LIN28A: variants seen among roughly 807,000 people sequenced by gnomAD.
The protein encoded by LIN28A is lin-28 RNA binding posttranscriptional regulator A, also known as protein lin-28 homolog A.
LIN28A carries 11 observed loss-of-function variants against 21.1 expected under a neutral mutation model. The observed-to-expected ratio is 0.52, with a 90% confidence interval of 0.33 to 0.86. The LOEUF is 0.86. Among genes scored for constraint, LIN28A ranks in the 40% least tolerant of loss-of-function variants. The probability of loss-of-function intolerance (pLI) is 0.03; values close to 1 mark genes in which losing one functional copy is unlikely to be tolerated. For synonymous variants in LIN28A, 111 were observed against 108.7 expected (o/e 1.02, Z -0.13); for missense variants, 219 against 279.8 (o/e 0.78, Z 1.55).
intron 2 of LIN28A, among the ~76,000 whole-genome samples, chr1:26,419,424 C>G (rs2075016068): frequency 6.6e-6 from 1 of 152,058 alleles, no homozygotes; most frequent in African/African-American, 2.4e-5. Context: ...TTGCATGTCC[C>G]CATTTATATG....
chr1:26,418,153 G>A (rs1343895216), intron 2 of LIN28A, among the ~76,000 whole-genome samples: 1 of 152,082 alleles, frequency 6.6e-6, no homozygotes, highest in South Asian at 2.1e-4. Flanking sequence ...GGTGTGGGTT[G>A]GATAGGGTAA....
At chr1:26,413,797 T>G (rs553211321) in intron 2 of LIN28A, among the ~76,000 whole-genome samples, 3 of 143,398 alleles carry the variant, frequency 2.1e-5, no homozygotes, top group African/African-American at 7.9e-5. Context: ...GCACTTGTTT[T>G]TTTGTTTGTT....
chr1:26,424,052 C>T (rs1414343460), intron 2 of LIN28A, among the ~76,000 whole-genome samples: 1 of 151,678 alleles, frequency 6.6e-6, no homozygotes, highest in African/African-American at 2.4e-5. Flanking sequence ...TGAGGCAGCG[C>T]ACCCGGCCTT....
At chr1:26,420,156 C>T (rs1027230500) in intron 2 of LIN28A, among the ~76,000 whole-genome samples, 11 of 151,984 alleles carry the variant, frequency 7.2e-5, no homozygotes, top group African/African-American at 2.2e-4. Flanking sequence ...AACAGGGTTT[C>T]GCCCTGTTGC....
chr1:26,425,238 G>A, intron 2 of LIN28A, 65 bp from the exon 3 acceptor site: 2 of 1,509,190 alleles, frequency 1.3e-6, no homozygotes, highest in Non-Finnish European at 1.8e-6. Context: ...AGGAATAAGA[G>A]TTCCTTGTCT....
chr1:26,421,279 T>C (rs896540934), intron 2 of LIN28A, among the ~76,000 whole-genome samples: 5 of 152,226 alleles, frequency 3.3e-5, no homozygotes, highest in Non-Finnish European at 5.9e-5. Flanking sequence ...AAAATGTGGC[T>C]GTGAACAAAC....
At chr1:26,415,907 AG>A (rs1478661874) in intron 2 of LIN28A, among the ~76,000 whole-genome samples, 6 of 152,176 alleles carry the variant, frequency 3.9e-5, no homozygotes, top group Admixed American at 3.9e-4. Flanking sequence ...GTTGGTAGAG[AG>A]GTAGGAAGGT....
rs958622952 is a variant in LIN28A at position 26,411,416 on chromosome 1, C to A, written c.62C>A (p.Pro21His). ...GGCAKAAEEA[P>H]EEAPEDAARA... Reference sequence around the variant, plus strand: ...TGCGCCAAGGCGGCAGAAGAGGCGCCCGAGGAGGCGCCGGAGGACGCGGCC... The same window carrying A: ...TGCGCCAAGGCGGCAGAAGAGGCGCACGAGGAGGCGCCGGAGGACGCGGCC... Residue 21 changes from proline (P) to histidine (H), a missense_variant, in exon 2 of 4, where the codon CCC becomes CAC. This residue lies in a region of LIN28A where 50 missense variants were observed against 49.0 expected (regional missense o/e 1.02). Coordinates refer to ENST00000326279, the MANE Select transcript of LIN28A (RefSeq NM_024674.6). This position sits in a 1 kb window ranked among gnomAD's most constrained non-coding sequence, Gnocchi z 5.4. 2.5e-6 allele frequency: 4 copies of A among 1,603,142 alleles called. No homozygotes were observed. The African/African-American group carries it at 4.0e-5, about 16-fold the overall frequency.
At chr1:26,419,785 G>A (rs1291403342) in intron 2 of LIN28A, among the ~76,000 whole-genome samples, 1 of 152,100 alleles carries the variant, frequency 6.6e-6, no homozygotes, top group Non-Finnish European at 1.5e-5. Context: ...TTTACCTGCT[G>A]AATCACAGCT....
intron 2 of LIN28A, among the ~76,000 whole-genome samples, chr1:26,422,834 C>G (rs2075035125): frequency 1.3e-5 from 2 of 152,246 alleles, no homozygotes; most frequent in South Asian, 4.1e-4. Context: ...ATCTTCCAAT[C>G]CAAGATCGTG....
At position 26,411,248 on chromosome 1, in the gene LIN28A, C is replaced by A. The variant is rs1369033786; in HGVS notation, c.32-138C>A. On this transcript the variant is annotated intron_variant, in intron 1 of 3. Transcript: ENST00000326279. This position sits in a 1 kb window ranked among gnomAD's most constrained non-coding sequence, Gnocchi z 5.4. The stretch of plus-strand genomic sequence containing the variant: ...GGGAGGCGACCGGGATAGGTTTCTT[C>A]TCTTCTGTTGCTTGGTAGCTGCCCC... 9.2e-6 allele frequency: 8 copies of A among 869,756 alleles called. No individual in the cohort carries two copies. Among genetic ancestry groups the A allele is most frequent in the Non-Finnish European group, 1.4e-5 (8 of 585,688 alleles). The allele number at this position is 869,756 out of a possible 1,614,324, so 53.9% of individuals were successfully genotyped here. A position where few individuals can be genotyped will look rare whatever the true frequency, so the allele number is the denominator to read the frequency against.
rs1172453869 is a variant in LIN28A at position 26,411,454 on chromosome 1, G to T, written c.100G>T (p.Glu34Ter). ...APEDAARAAD[E>*]PQLLHGAGIC... ...GGAGGACGCGGCCCGGGCGGCGGAC[G>T]AGCCTCAGCTGCTGCACGGTGCGGG... Residue 34 changes from glutamate to a stop codon, truncating the protein, a stop_gained, in exon 2 of 4, where the codon GAG (glutamate) becomes TAG (stop). Transcript: ENST00000326279. LOFTEE classifies it high-confidence loss of function. This position sits in a 1 kb window ranked among gnomAD's most constrained non-coding sequence, Gnocchi z 5.4. The T allele has an allele frequency of 6.2e-7, 1 of 1,611,866 alleles. No individual in the cohort carries two copies. The highest frequency in any genetic ancestry group is 8.5e-7 in the Non-Finnish European group (1 of 1,178,950).
Position 26,426,274 on chromosome 1 carries a change from C to A in LIN28A, c.446C>A (p.Ala149Asp). The change falls in exon 4 of 4, where the codon GCC becomes GAC. Residue 149 changes from alanine to aspartate, a missense_variant. Around this residue, in one of 3 missense-constraint regions of LIN28A, gnomAD observed 124 missense variants for 193.1 expected, o/e 0.64. Coordinates refer to ENST00000326279, the MANE Select transcript of LIN28A (RefSeq NM_024674.6). ...CYNCGGLDHH[A>D]KECKLPPQPK... ...AACTGTGGAGGTCTAGATCATCATG[C>A]CAAGGAATGCAAGCTGCCACCCCAG... 1 of 1,614,124 alleles carries A rather than the reference C, an allele frequency of 6.2e-7. No individual in the cohort carries two copies. Among genetic ancestry groups the A allele is most frequent in the Non-Finnish European group, 8.5e-7 (1 of 1,179,988 alleles).
At chr1:26,423,637 C>A (rs1166309201) in intron 2 of LIN28A, among the ~76,000 whole-genome samples, 1 of 151,410 alleles carries the variant, frequency 6.6e-6, no homozygotes, top group Non-Finnish European at 1.5e-5. Context: ...GTCTCAAACT[C>A]CTGACCTCAG....
At chr1:26,421,905 A>G (rs917874005) in intron 2 of LIN28A, among the ~76,000 whole-genome samples, 11 of 151,942 alleles carry the variant, frequency 7.2e-5, no homozygotes, top group East Asian at 5.8e-4. Context: ...ATCATTCTCT[A>G]TCTTGCTACA....
At chr1:26,422,043 C>CT (rs2075031295) in intron 2 of LIN28A, among the ~76,000 whole-genome samples, 1 of 148,400 alleles carries the variant, frequency 6.7e-6, no homozygotes, top group East Asian at 2.0e-4. Flanking sequence ...GGGTCTCACT[C>CT]TGTCACCCAG....
At chr1:26,422,166 G>A (rs2075032019) in intron 2 of LIN28A, among the ~76,000 whole-genome samples, 1 of 151,898 alleles carries the variant, frequency 6.6e-6, no homozygotes, top group Non-Finnish European at 1.5e-5. Context: ...GTACCACTGT[G>A]CCTGGCTCAT....
At position 26,426,506 on chromosome 1, in the gene LIN28A, A is replaced by G. The variant is rs1454186889; in HGVS notation, c.*48A>G. On this transcript the variant is annotated 3_prime_UTR_variant, in exon 4 of 4. Transcript: ENST00000326279. ...CTTTTGCTATCAGGAAGTTTTGAGG[A>G]GCAGGCAGAGTGGAGAAAGTGGGAA... The G allele has an allele frequency of 6.9e-7, 1 of 1,459,544 alleles. No homozygotes were observed. The highest frequency in any genetic ancestry group is 9.6e-7 in the Non-Finnish European group (1 of 1,044,762). The allele number at this position is 1,459,544 out of a possible 1,614,324, so 90.4% of individuals were successfully genotyped here.
chr1:26,417,504 G>A (rs2075000750), intron 2 of LIN28A, among the ~76,000 whole-genome samples: 1 of 152,188 alleles, frequency 6.6e-6, no homozygotes, highest in Admixed American at 6.5e-5. Context: ...GTAGCTACTA[G>A]AAAGTTTTCA....
Sources: gnomAD v4.1 joint callset for allele counts (sites outside exome capture counted in the v4.1 genomes callset) on GRCh38, gnomAD v4.1.1 for gene constraint, gnomAD v4.1.1 regional missense constraint, Gnocchi (gnomAD v3.1) non-coding constraint, MANE v1.5 for transcripts, NCBI Gene and HGNC (gene_info 2026-07-23, HGNC 2026-07-21) for gene names.